NTNG1: variants seen among roughly 807,000 people sequenced by gnomAD.
NTNG1 encodes netrin-G1.
NTNG1 carries 16 observed loss-of-function variants against 54.0 expected under a neutral mutation model. The ratio of observed to expected loss-of-function variants is 0.30; its 90% confidence interval spans 0.20 to 0.45. The LOEUF is 0.45. NTNG1 is among the 20% of genes least tolerant of loss of function. The pLI, the probability that NTNG1 is intolerant of heterozygous loss-of-function variation, is 1.00. For missense variants in NTNG1, 530 were observed against 678.7 expected, an observed-to-expected ratio of 0.78 and a Z score of 2.43; for synonymous variants, 255 against 263.1, an observed-to-expected ratio of 0.97 and a Z score of 0.30.
intron 2 of NTNG1, among the ~76,000 whole-genome samples, chr1:107,289,588 A>G (rs1204339851): frequency 6.6e-6 from 1 of 152,098 alleles, no homozygotes. Flanking sequence ...TCACTTCATT[A>G]TAACAGTCTT....
chr1:107,334,211 T>C (rs11576327), intron 3 of NTNG1, among the ~76,000 whole-genome samples: 24,101 of 151,966 alleles, frequency 0.16, 2,082 homozygotes, highest in Non-Finnish European at 0.2. Context: ...TTTAGTTAAA[T>C]GAATCTTGCC....
chr1:107,469,010 C>A (rs1012521585), intron 7 of NTNG1, among the ~76,000 whole-genome samples: 1 of 149,508 alleles, frequency 6.7e-6, no homozygotes, highest in South Asian at 2.2e-4. Context: ...GCAGGAGAAT[C>A]GCTTGAATCC....
chr1:107,186,339 T>C (rs1657459978), intron 2 of NTNG1, among the ~76,000 whole-genome samples: 1 of 152,188 alleles, frequency 6.6e-6, no homozygotes, highest in Non-Finnish European at 1.5e-5. Context: ...TCTTGCCTCT[T>C]CTAAACCACT....
chr1:107,346,237 A>G (rs1008911055), intron 3 of NTNG1, among the ~76,000 whole-genome samples: 5 of 152,232 alleles, frequency 3.3e-5, no homozygotes, highest in Non-Finnish European at 4.4e-5. Flanking sequence ...TCCCTGATCA[A>G]TTTGGCACTA....
rs367970820 is a variant in NTNG1 at position 107,233,462 on chromosome 1, G to A, written c.246+84623G>A. On this transcript the variant is annotated intron_variant, in intron 2 of 7. Transcript: ENST00000370068. ...TTGATTTTAAAAAGAAATGCAATGT[G>A]TACAATTTCAAAGCCCATCCTTAAA... Among the ~76,000 whole-genome samples, 27 of 152,252 alleles carry A rather than the reference G, an allele frequency of 1.8e-4. No individual in the cohort carries two copies. The East Asian group carries it at 2.9e-3, about 16-fold the overall frequency.
chr1:107,145,519 A>G (rs114105698), intron 1 of NTNG1, among the ~76,000 whole-genome samples: 3,452 of 152,130 alleles, frequency 0.023, 116 homozygotes, highest in African/African-American at 0.079. Context: ...GATCTGTAAT[A>G]CGCCGTGGTC....
intron 3 of NTNG1, among the ~76,000 whole-genome samples, chr1:107,388,910 T>C (rs924075366): frequency 1.3e-5 from 2 of 152,170 alleles, no homozygotes; most frequent in African/African-American, 4.8e-5. Context: ...TAAAAAGATA[T>C]TTACAAGCTC....
chr1:107,218,949 C>A (rs1170607684), intron 2 of NTNG1, among the ~76,000 whole-genome samples: 1 of 152,074 alleles, frequency 6.6e-6, no homozygotes, highest in Non-Finnish European at 1.5e-5. Context: ...ATGTCTGGGT[C>A]TCTAGGAAGG....
At chr1:107,346,035 C>T (rs1327093553) in intron 3 of NTNG1, among the ~76,000 whole-genome samples, 4 of 152,144 alleles carry the variant, frequency 2.6e-5, no homozygotes, top group Non-Finnish European at 4.4e-5. Context: ...TGATAAGCCT[C>T]GATTTGAGTT....
At chr1:107,322,657 TC>T (rs1258529553) in intron 2 of NTNG1, among the ~76,000 whole-genome samples, 3 of 151,818 alleles carry the variant, frequency 2.0e-5, no homozygotes, top group Non-Finnish European at 1.5e-5. Context: ...GAAACTTATT[TC>T]CCCCCTCCCC....
Position 107,465,207 on chromosome 1 carries a change from A to G in NTNG1, c.1391-15404A>G, listed in dbSNP as rs74860626. Reference sequence around the variant, plus strand: ...AGCCACGTGAAAAATCATCATTGGAAAAGAAATCATTGAGAATCCCGTTAG... The same window carrying G: ...AGCCACGTGAAAAATCATCATTGGAGAAGAAATCATTGAGAATCCCGTTAG... On this transcript the variant is annotated intron_variant, in intron 7 of 7. Coordinates refer to ENST00000370068, the MANE Select transcript of NTNG1 (RefSeq NM_001113226.3). 4.4e-3 allele frequency among the ~76,000 whole-genome samples: 674 copies of G among 152,362 alleles called. 4 individuals are homozygous for G. Among genetic ancestry groups the G allele is most frequent in the African/African-American group, 0.015 (632 of 41,576 alleles).
intron 2 of NTNG1, among the ~76,000 whole-genome samples, chr1:107,318,328 A>C (rs190104838): frequency 2.5e-4 from 38 of 152,218 alleles, no homozygotes; most frequent in African/African-American, 8.9e-4. Context: ...TCATAGTATC[A>C]CACTGCTTGT....
chr1:107,265,764 A>G (rs1323530720), intron 2 of NTNG1, among the ~76,000 whole-genome samples: 3 of 152,206 alleles, frequency 2.0e-5, no homozygotes, highest in Non-Finnish European at 4.4e-5. Flanking sequence ...TGAGAAGTAG[A>G]AGAAATTATT....
At chr1:107,219,826 T>G (rs1570887940) in intron 2 of NTNG1, among the ~76,000 whole-genome samples, 1 of 152,236 alleles carries the variant, frequency 6.6e-6, no homozygotes, top group East Asian at 1.9e-4. Flanking sequence ...TCTGTGAGGG[T>G]CCTTGGTAGC....
intron 7 of NTNG1, among the ~76,000 whole-genome samples, chr1:107,461,480 A>T (rs2101541923): frequency 6.6e-6 from 1 of 152,162 alleles, no homozygotes; most frequent in South Asian, 2.1e-4. Flanking sequence ...GATAAACACC[A>T]GATCACCCAT....
rs199789100 is a variant in NTNG1 at position 107,290,963 on chromosome 1, T to TATATTA, written c.247-33319_247-33318insATATTA. ...ATATTTTAAAGTGCATATATATATATTATATATATATATATATATATACAC... is the reference window on the plus strand; with the variant it reads ...ATATTTTAAAGTGCATATATATATATATATTATATATATATATATATATATATACAC... On this transcript the variant is annotated intron_variant, in intron 2 of 7. Transcript: ENST00000370068. 6.9e-4 allele frequency among the ~76,000 whole-genome samples: 98 copies of TATATTA among 142,526 alleles called. 1 individual carries two copies. In the East Asian group the frequency reaches 9.1e-3, roughly 13 times the overall value. The allele number at this position is 142,526 out of a possible 152,430, so 93.5% of individuals were successfully genotyped here. A position where few individuals can be genotyped will look rare whatever the true frequency, so the allele number is the denominator to read the frequency against.
intron 5 of NTNG1, among the ~76,000 whole-genome samples, chr1:107,424,587 T>A (rs72987560): frequency 1.3e-5 from 2 of 152,104 alleles, no homozygotes; most frequent in Non-Finnish European, 2.9e-5. Flanking sequence ...ATGATGCGTC[T>A]GAGGAAAAGG....
chr1:107,373,656 T>C (rs754009352), intron 3 of NTNG1, among the ~76,000 whole-genome samples: 25 of 152,032 alleles, frequency 1.6e-4, no homozygotes, highest in Non-Finnish European at 3.5e-4. Context: ...AGCTTTTGTA[T>C]GTCTGAAAAT....
At chr1:107,189,502 C>T (rs1657741830) in intron 2 of NTNG1, among the ~76,000 whole-genome samples, 1 of 150,724 alleles carries the variant, frequency 6.6e-6, no homozygotes, top group Non-Finnish European at 1.5e-5. Flanking sequence ...ATTGCAAGCC[C>T]TGTCAAAGTA....
Sources: allele counts gnomAD v4.1 joint callset (sites outside exome capture counted in the v4.1 genomes callset), GRCh38; gene constraint gnomAD v4.1.1; transcripts MANE v1.5; gene names NCBI Gene and HGNC (gene_info 2026-07-23, HGNC 2026-07-21).